Variants in NBEAL1 observed in about 807,000 individuals in gnomAD.
NBEAL1 encodes the protein neurobeachin like 1.
NBEAL1 carries 273 observed loss-of-function variants against 351.3 expected under a neutral mutation model. The ratio of observed to expected loss-of-function variants is 0.78; its 90% CI spans 0.70 to 0.86. NBEAL1 has a LOEUF of 0.86. Ranked by LOEUF, NBEAL1 falls within the 40% of genes least tolerant of loss-of-function variation. NBEAL1 has a pLI of 0.00. For missense variants in NBEAL1, 2,961 were observed against 3,201.3 expected (o/e 0.92, Z 1.81); for synonymous variants, 1,050 against 1,086.4 (o/e 0.97, Z 0.66).
At chr2:203,148,204 ATCT>A (rs1167414940) in intron 33 of NBEAL1, among the ~76,000 whole-genome samples, 4 of 152,142 alleles carry the variant, frequency 2.6e-5, no homozygotes, top group Non-Finnish European at 5.9e-5. Flanking sequence ...TTAAATGTTC[ATCT>A]TTATTATGAC....
intron 54 of NBEAL1, among the ~76,000 whole-genome samples, chr2:203,211,572 A>G (rs2065790843): frequency 6.6e-6 from 1 of 152,140 alleles, no homozygotes; most frequent in South Asian, 2.1e-4. Flanking sequence ...GCTTGAGCCC[A>G]GGTCAAGGCT....
intron 17 of NBEAL1, among the ~76,000 whole-genome samples, chr2:203,114,582 A>G (rs1190729172): frequency 1.3e-5 from 2 of 152,208 alleles, no homozygotes; most frequent in Non-Finnish European, 2.9e-5. Flanking sequence ...TTATATGTAT[A>G]TTCTAACAGG....
At chr2:203,031,849 GATTCTACCTCCTGGT>G (rs1370935697) in intron 2 of NBEAL1, among the ~76,000 whole-genome samples, 2 of 152,170 alleles carry the variant, frequency 1.3e-5, no homozygotes, top group African/African-American at 2.4e-5. Flanking sequence ...CCAGTCTTCA[GATTCTACCTCCTGGT>G]ATTCTACCTC....
chr2:203,125,388 T>C lies in NBEAL1; in HGVS notation c.2719T>C (p.Phe907Leu). 10 of 1,544,574 alleles carry C rather than the reference T, an allele frequency of 6.5e-6. No homozygotes were observed. Among genetic ancestry groups the C allele is most frequent in the Non-Finnish European group, 8.7e-6 (10 of 1,144,530 alleles). The change falls in exon 20 of 56, where the codon TTT becomes CTT. Residue 907 changes from phenylalanine (F) to leucine (L), a missense_variant. Coordinates refer to ENST00000683969, the MANE Select transcript of NBEAL1 (RefSeq NM_001378026.1). ...INCIGGLNVL[F>L]PLLEQISHFS... ...CTGCATAGGTGGGTTAAATGTACTCTTTCCTTTATTGGAACAAATCAGCCA... is the reference window on the plus strand; with the variant it reads ...CTGCATAGGTGGGTTAAATGTACTCCTTCCTTTATTGGAACAAATCAGCCA...
chr2:203,186,797 G>C (rs1473773774), intron 44 of NBEAL1, among the ~76,000 whole-genome samples: 1 of 152,012 alleles, frequency 6.6e-6, no homozygotes, highest in African/African-American at 2.4e-5. Flanking sequence ...TTATGTGTCA[G>C]CTCTATTGGA....
Position 203,083,380 on chromosome 2 carries a change from C to G in NBEAL1, c.846C>G (p.Ser282Arg). 1 of 1,555,418 alleles carries G rather than the reference C, an allele frequency of 6.4e-7. No individual in the cohort carries two copies. Among genetic ancestry groups the G allele is most frequent in the Non-Finnish European group, 8.7e-7 (1 of 1,148,010 alleles). The change falls in exon 9 of 56, where the codon AGC becomes AGG. Residue 282 changes from serine to arginine, a missense_variant. Coordinates refer to ENST00000683969, the MANE Select transcript of NBEAL1 (RefSeq NM_001378026.1). ...LTEVVHILLS[S>R]NSDQRQVETS... ...AAGTGGTACATATCCTTCTCAGTAG[C>G]AACTCTGATCAGCGTCAAGTGGAAA...
intron 51 of NBEAL1, among the ~76,000 whole-genome samples, chr2:203,203,440 G>A (rs2065459089): frequency 6.6e-6 from 1 of 152,080 alleles, no homozygotes; most frequent in Admixed American, 6.6e-5. Flanking sequence ...CTCCCAAAGT[G>A]CTGGGATTAT....
At chr2:203,149,793 G>T (rs546307848) in intron 34 of NBEAL1, among the ~76,000 whole-genome samples, 1 of 152,050 alleles carries the variant, frequency 6.6e-6, no homozygotes, top group East Asian at 1.9e-4. Flanking sequence ...TGCCTGTTCT[G>T]GTTATTTCAT....
chr2:203,133,704 GAT>G (rs139371910), intron 27 of NBEAL1, among the ~76,000 whole-genome samples: 451 of 143,022 alleles, frequency 3.2e-3, no homozygotes, highest in African/African-American at 5.3e-3. Flanking sequence ...CACAGTTCTT[GAT>G]ATATATATAT....
At chr2:203,138,089 T>G in intron 29 of NBEAL1, 73 bp from the exon 30 acceptor site, 1 of 1,436,688 alleles carries the variant, frequency 7.0e-7, no homozygotes, top group Non-Finnish European at 9.6e-7. Context: ...TCAAGCTATT[T>G]TGTTTTGTTT....
chr2:203,019,544 A>C (rs983454019), intron 2 of NBEAL1, among the ~76,000 whole-genome samples: 13 of 152,220 alleles, frequency 8.5e-5, no homozygotes, highest in African/African-American at 2.7e-4. Context: ...ACCTGATTAA[A>C]GAAGACACCT....
Position 203,224,106 on chromosome 2 carries a change from TTTC to T in NBEAL1, c.*6756_*6758del, listed in dbSNP as rs1354131339. Among the ~76,000 whole-genome samples, 8 of 152,192 alleles carry T rather than the reference TTTC, an allele frequency of 5.3e-5. No individual in the cohort carries two copies. In the East Asian group the frequency reaches 1.2e-3, roughly 22 times the overall value. The stretch of plus-strand genomic sequence containing the variant: ...CAATTTAATGATAATAATTTCTATT[TTTC>T]TTCCAAAACTATGGCATGTTATAGT... On this transcript the variant is annotated 3_prime_UTR_variant, in exon 56 of 56. Transcript: ENST00000683969.
intron 27 of NBEAL1, 121 bp downstream of exon 27, chr2:203,133,267 T>C (rs1287998761): frequency 9.1e-6 from 4 of 440,770 alleles, no homozygotes; most frequent in Non-Finnish European, 1.6e-5. Context: ...CGTAATTTTA[T>C]AAGTAAACAA....
At chr2:203,168,392 C>T (rs1230363710) in intron 38 of NBEAL1, among the ~76,000 whole-genome samples, 1 of 151,990 alleles carries the variant, frequency 6.6e-6, no homozygotes, top group Non-Finnish European at 1.5e-5. Flanking sequence ...TCGAGACCAC[C>T]CTGGCCAACA....
At chr2:203,137,416 A>G (rs1027560298) in intron 29 of NBEAL1, among the ~76,000 whole-genome samples, 2 of 152,190 alleles carry the variant, frequency 1.3e-5, no homozygotes, top group African/African-American at 2.4e-5. Context: ...CCTGCTGTAG[A>G]TAATAGGACT....
chr2:203,159,323 T>C (rs1405679852), intron 36 of NBEAL1, among the ~76,000 whole-genome samples: 3 of 152,122 alleles, frequency 2.0e-5, no homozygotes, highest in African/African-American at 7.2e-5. Flanking sequence ...TTCCAGAACA[T>C]TTATGTCACC....
At chr2:203,032,426 G>A (rs1298022895) in intron 2 of NBEAL1, among the ~76,000 whole-genome samples, 1 of 152,040 alleles carries the variant, frequency 6.6e-6, no homozygotes, top group Admixed American at 6.6e-5. Context: ...GGGAGGCTGA[G>A]GCGGGCAGAT....
At chr2:203,077,132 C>T (rs936878490) in intron 7 of NBEAL1, among the ~76,000 whole-genome samples, 6 of 151,956 alleles carry the variant, frequency 3.9e-5, no homozygotes, top group South Asian at 4.2e-4. Context: ...TGACAAGGGG[C>T]CGGGTGTGGT....
Position 203,175,091 on chromosome 2 carries a change from C to A in NBEAL1, c.6324-56C>A, listed in dbSNP as rs1033774065. The A allele has an allele frequency of 3.6e-6, 5 of 1,377,816 alleles. No individual in the cohort carries two copies. In the African/African-American group the frequency reaches 4.4e-5, roughly 12 times the overall value. The allele number at this position is 1,377,816 out of a possible 1,614,324, so 85.3% of individuals were successfully genotyped here. On this transcript the variant is annotated intron_variant, in intron 41 of 55. Coordinates refer to ENST00000683969, the MANE Select transcript of NBEAL1 (RefSeq NM_001378026.1). The stretch of plus-strand genomic sequence containing the variant: ...TTCAGAAATAAAATACAAACTTATG[C>A]CCCCTTATGTACTTTATTATTGTGG...
Sources: gnomAD v4.1 joint callset for allele counts (sites outside exome capture counted in the v4.1 genomes callset) on GRCh38, gnomAD v4.1.1 for gene constraint, MANE v1.5 for transcripts, NCBI Gene and HGNC (gene_info 2026-07-23, HGNC 2026-07-21) for gene names.